Variants in DAB1 observed in about 807,000 individuals in gnomAD.
DAB1 encodes the protein DAB adaptor protein 1.
A neutral mutation model predicts 64.6 loss-of-function variants in DAB1; 15 were observed. The ratio of observed to expected loss-of-function variants is 0.23; its 90% CI spans 0.16 to 0.36. The LOEUF is 0.36. DAB1 is among the 10% of genes least tolerant of loss of function. The probability of loss-of-function intolerance (pLI) is 1.00; values close to 1 mark genes in which losing one functional copy is unlikely to be tolerated. For synonymous variants in DAB1, 235 were observed against 251.9 expected, an observed-to-expected ratio of 0.93 and a Z score of 0.64; for missense variants, 596 against 706.7, an observed-to-expected ratio of 0.84 and a Z score of 1.78.
In DAB1 at chr1:57,452,166, C is replaced by CCCTT. The variant is rs367685387; in HGVS notation, n.626-161001_626-161000insAAGG. Among the ~76,000 whole-genome samples the CCCTT allele has an allele frequency of 5.6e-3, 417 of 75,006 alleles. 1 individual carries two copies. The highest frequency in any genetic ancestry group is 0.013 in the African/African-American group (221 of 16,540). 49.2% of individuals were successfully genotyped at this position (75,006 alleles called of 152,430 possible). Reference sequence around the variant, plus strand: ...GATTTAGTCTCTCTCTGCACCCCCCCTTTTTTTTTTTTTTTTTTTTTGACA... The same window carrying CCCTT: ...GATTTAGTCTCTCTCTGCACCCCCCCCCTTTTTTTTTTTTTTTTTTTTTTTGACA... On this transcript the variant is annotated intron_variant and non_coding_transcript_variant, in intron 7 of 20. Coordinates refer to the DAB1 transcript ENST00000485760.
chr1:58,475,792 T>A (rs1645413166), intron 3 of DAB1, among the ~76,000 whole-genome samples: 1 of 152,154 alleles, frequency 6.6e-6, no homozygotes, highest in Non-Finnish European at 1.5e-5. Flanking sequence ...TACTATCCTA[T>A]TTTCCCAAAT....
At chr1:57,072,075 A>AAC (rs944790241) in intron 5 of DAB1, among the ~76,000 whole-genome samples, 1 of 151,782 alleles carries the variant, frequency 6.6e-6, no homozygotes, top group African/African-American at 2.4e-5. Context: ...AAAAAAAAAA[A>AAC]AAAAAACAGA....
intron 5 of DAB1, among the ~76,000 whole-genome samples, chr1:57,984,155 G>A (rs760049398): frequency 2.9e-5 from 4 of 138,930 alleles, no homozygotes; most frequent in Non-Finnish European, 6.0e-5. Context: ...AACAGTTGCA[G>A]GATTTCAGGG....
In DAB1 at chr1:57,024,381, A is replaced by G. The variant is rs74322042; in HGVS notation, c.787-742T>C. On this transcript the variant is annotated intron_variant, in intron 10 of 14. Transcript: ENST00000371236. Reference sequence around the variant, plus strand: ...AGAAATGAAAACATCAGTACTCATAATTTTGTATATGTCCACACCCATTTA... The same window carrying G: ...AGAAATGAAAACATCAGTACTCATAGTTTTGTATATGTCCACACCCATTTA... Among the ~76,000 whole-genome samples the G allele has an allele frequency of 6.1e-4, 93 of 152,270 alleles. 1 individual carries two copies. Among genetic ancestry groups the G allele is most frequent in the East Asian group, 2.5e-3 (13 of 5,176 alleles).
intron 4 of DAB1, among the ~76,000 whole-genome samples, chr1:58,291,658 CTTCT>C (rs1338884111): frequency 6.6e-6 from 1 of 152,198 alleles, no homozygotes; most frequent in African/African-American, 2.4e-5. Flanking sequence ...GTGGCAAGTG[CTTCT>C]TTGTGTCCTT....
chr1:58,049,267 C>G (rs1482083963), intron 5 of DAB1: 1 of 729,068 alleles, frequency 1.4e-6, no homozygotes, highest in African/African-American at 1.7e-5. Context: ...TGTTCGGGCT[C>G]TTTAGGAGAC....
intron 6 of DAB1, among the ~76,000 whole-genome samples, chr1:57,729,785 G>C (rs535404888): frequency 1.3e-5 from 2 of 152,162 alleles, no homozygotes; most frequent in Non-Finnish European, 2.9e-5. Flanking sequence ...TTATGTCCAG[G>C]CATGGTGGCT....
chr1:57,803,194 A>G (rs1370687568), intron 6 of DAB1, among the ~76,000 whole-genome samples: 3 of 152,258 alleles, frequency 2.0e-5, no homozygotes, highest in Non-Finnish European at 4.4e-5. Context: ...GGAAAAATTT[A>G]CAAGGATGCC....
intron 7 of DAB1, among the ~76,000 whole-genome samples, chr1:57,543,108 G>C (rs1570611376): frequency 6.6e-6 from 1 of 152,136 alleles, no homozygotes; most frequent in African/African-American, 2.4e-5. Context: ...TCCTAAAACA[G>C]AACCACCCAG....
intron 4 of DAB1, among the ~76,000 whole-genome samples, chr1:58,202,597 T>G (rs1282405188): frequency 6.6e-6 from 1 of 152,280 alleles, no homozygotes; most frequent in Non-Finnish European, 1.5e-5. Context: ...TGTCAATTTC[T>G]GTTTCACAAA....
chr1:57,300,756 G>A (rs1673579171), intron 1 of DAB1, among the ~76,000 whole-genome samples: 1 of 152,096 alleles, frequency 6.6e-6, no homozygotes, highest in Admixed American at 6.5e-5. Context: ...TCTACAATGC[G>A]TAAGATTATT....
chr1:57,019,189 C>A (rs1486320831), intron 11 of DAB1, among the ~76,000 whole-genome samples: 2 of 152,306 alleles, frequency 1.3e-5, no homozygotes, highest in East Asian at 1.9e-4. Flanking sequence ...TTCCACCCTG[C>A]CTAGCATGGT....
At chr1:57,232,972 T>C (rs1386134323) in intron 2 of DAB1, among the ~76,000 whole-genome samples, 1 of 152,198 alleles carries the variant, frequency 6.6e-6, no homozygotes, top group Non-Finnish European at 1.5e-5. Flanking sequence ...TCAGTCACCT[T>C]CCTTTCCCTC....
intron 4 of DAB1, among the ~76,000 whole-genome samples, chr1:57,076,633 T>C (rs1652017405): frequency 6.6e-6 from 1 of 152,206 alleles, no homozygotes; most frequent in East Asian, 1.9e-4. Flanking sequence ...CCCACTTCTG[T>C]GCTATTGCTC....
chr1:57,071,044 A>G lies in DAB1; in HGVS notation c.576T>C (p.Asp192=), dbSNP rs1220145869. 1 of 1,613,080 alleles carries G rather than the reference A, an allele frequency of 6.2e-7. No homozygotes were observed. Among genetic ancestry groups the G allele is most frequent in the East Asian group, 2.2e-5 (1 of 44,882 alleles). ...TTACCTGGTACACAGGATCTTCAACATCCTCTTCCAATATTGTCTATTGCA... is the reference window on the plus strand; with the variant it reads ...TTACCTGGTACACAGGATCTTCAACGTCCTCTTCCAATATTGTCTATTGCA... ...QAVYQTILEE[D]VEDPVYQYIV... is the part of the protein sequence containing the mutation. The change falls in exon 7 of 15, where the codon GAT becomes GAC. Residue 192 remains aspartate, a synonymous_variant. Coordinates refer to ENST00000371236, the MANE Select transcript of DAB1 (RefSeq NM_001365792.1).
At chr1:57,504,945 A>G (rs1336166851) in intron 7 of DAB1, among the ~76,000 whole-genome samples, 1 of 152,258 alleles carries the variant, frequency 6.6e-6, no homozygotes, top group African/African-American at 2.4e-5. Flanking sequence ...ATTAAAAACA[A>G]GGGTGAGAAC....
At chr1:57,613,666 A>G (rs952259855) in intron 7 of DAB1, among the ~76,000 whole-genome samples, 2 of 152,208 alleles carry the variant, frequency 1.3e-5, no homozygotes, top group Non-Finnish European at 2.9e-5. Context: ...ACTGCAAGAG[A>G]AACAGGAAAT....
At chr1:58,480,948 G>C (rs1467364754) in intron 3 of DAB1, 1 of 848,152 alleles carries the variant, frequency 1.2e-6, no homozygotes, top group Non-Finnish European at 2.0e-6. Flanking sequence ...TATATCTTGT[G>C]TCTCATAAAT....
At chr1:58,267,171 G>A (rs778046261) in intron 4 of DAB1, among the ~76,000 whole-genome samples, 3 of 152,144 alleles carry the variant, frequency 2.0e-5, no homozygotes, top group Non-Finnish European at 4.4e-5. Flanking sequence ...AGTGAGCTGA[G>A]ATCACGCCAC....
Sources: allele counts gnomAD v4.1 joint callset (sites outside exome capture counted in the v4.1 genomes callset), GRCh38; gene constraint gnomAD v4.1.1; transcripts MANE v1.5; gene names NCBI Gene and HGNC (gene_info 2026-07-23, HGNC 2026-07-21).